Variants in HYDIN observed in about 807,000 individuals in gnomAD.
HYDIN encodes HYDIN axonemal central pair apparatus protein.
A neutral mutation model predicts 403.9 loss-of-function variants in HYDIN; 132 were observed. The ratio of observed to expected loss-of-function variants is 0.33; its 90% CI spans 0.28 to 0.38. The LOEUF is 0.38. Ranked by LOEUF, HYDIN falls within the 10% of genes least tolerant of loss-of-function variation. The pLI, the probability that HYDIN is intolerant of heterozygous loss-of-function variation, is 1.00. For missense variants in HYDIN, 2,827 were observed against 5,009.5 expected (o/e 0.56, Z 13.15); for synonymous variants, 1,202 against 1,891.7 (o/e 0.64, Z 9.46).
At chr16:71,052,907 G>A (rs2081711709) in intron 18 of HYDIN, among the ~76,000 whole-genome samples, 1 of 139,236 alleles carries the variant, frequency 7.2e-6, no homozygotes, top group African/African-American at 2.7e-5. Context: ...AGGAAAGAAA[G>A]AAAGAAAGAA....
chr16:70,880,200 A>G (rs1949671732), intron 60 of HYDIN, among the ~76,000 whole-genome samples: 1 of 124,396 alleles, frequency 8.0e-6, no homozygotes, highest in Non-Finnish European at 1.6e-5. Flanking sequence ...CTGGGACTAC[A>G]GGAGTGTGCC....
Position 70,860,175 on chromosome 16 carries a change from T to C in HYDIN, c.12022A>G (p.Thr4008Ala). ...TFTILNPTNS[T>A]YSFCWISEEI... ...TCAGAGATCCAGCAGAAGGAGTAGG[T>C]GCTATTGGTTGGGTTTAGGATGGTA... is the stretch of plus-strand genomic sequence containing the variant. The change falls in exon 71 of 86, where the codon ACC becomes GCC. Residue 4008 changes from threonine to alanine, a missense_variant. Coordinates refer to ENST00000393567, the MANE Select transcript of HYDIN (RefSeq NM_001270974.2). 1 of 1,614,028 alleles carries C rather than the reference T, an allele frequency of 6.2e-7. No individual in the cohort carries two copies. Among genetic ancestry groups the C allele is most frequent in the South Asian group, 1.1e-5 (1 of 91,068 alleles).
chr16:70,910,772 ATTTATTT>A (rs1408267118), intron 47 of HYDIN, among the ~76,000 whole-genome samples: 18 of 84,602 alleles, frequency 2.1e-4, no homozygotes, highest in Admixed American at 5.6e-4. Flanking sequence ...TTATTTATTT[ATTTATTT>A]TTTATTTTTT....
At position 70,807,632 on chromosome 16, in the gene HYDIN, C is replaced by T. The variant is rs1240013495; in HGVS notation, c.15314G>A (p.Gly5105Glu). 2.5e-6 allele frequency: 4 copies of T among 1,614,136 alleles called. No individual in the cohort carries two copies. Among genetic ancestry groups the T allele is most frequent in the Non-Finnish European group, 2.5e-6 (3 of 1,179,990 alleles). ...KLTVSCPPGE[G>E]SETGVKWVYY... is the part of the protein sequence containing the mutation. Reference sequence around the variant, plus strand: ...AACCCATTTAACTCCAGTCTCACTCCCTTCACCAGGAGGGCAGCTCACAGT... The same window carrying T: ...AACCCATTTAACTCCAGTCTCACTCTCTTCACCAGGAGGGCAGCTCACAGT... Residue 5105 changes from glycine (G) to glutamate (E), a missense_variant, in exon 86 of 86, where the codon GGG (glycine) becomes GAG (glutamate). Physicochemically the swap from Gly to Glu is moderately conservative, Grantham distance 98 (BLOSUM62 -2). Coordinates refer to ENST00000393567, the MANE Select transcript of HYDIN (RefSeq NM_001270974.2).
intron 36 of HYDIN, among the ~76,000 whole-genome samples, chr16:70,967,722 G>A (rs2078622675): frequency 1.3e-5 from 2 of 152,080 alleles, no homozygotes; most frequent in Non-Finnish European, 2.9e-5. Context: ...TCCTGACCTT[G>A]TGATCCACCC....
chr16:71,040,495 C>G (rs1040103961), intron 18 of HYDIN, among the ~76,000 whole-genome samples: 2 of 145,608 alleles, frequency 1.4e-5, no homozygotes, highest in Non-Finnish European at 3.0e-5. Flanking sequence ...GCACCCCCCT[C>G]CCCCCCACAC....
chr16:71,077,715 T>C (rs1310723821), intron 13 of HYDIN, among the ~76,000 whole-genome samples: 2 of 151,884 alleles, frequency 1.3e-5, no homozygotes, highest in African/African-American at 4.8e-5. Context: ...CAACATTAAA[T>C]TGTAATATCC....
Position 70,805,514 on chromosome 16 carries a change from C to A in HYDIN, c.*2066G>T, listed in dbSNP as rs543320072. ...GAAATGCAGATTCTCAAGCCCCACC[C>A]AAATCTCCTAGATCGGACTTCCTGA... On this transcript the variant is annotated 3_prime_UTR_variant, in exon 86 of 86. Transcript: ENST00000393567. Among the ~76,000 whole-genome samples the A allele has an allele frequency of 7.9e-5, 12 of 152,316 alleles. No individual in the cohort carries two copies. The highest frequency in any genetic ancestry group is 2.6e-4 in the Admixed American group (4 of 15,304).
Position 71,031,761 on chromosome 16 carries a change from G to T in HYDIN, c.2686C>A (p.Pro896Thr), listed in dbSNP as rs2080920190. Reference sequence around the variant, plus strand: ...GAACCAGTTCCGGAAGCCTGAACAGGAATCCGATAGGTACTGCTATTTTCA... The same window carrying T: ...GAACCAGTTCCGGAAGCCTGAACAGTAATCCGATAGGTACTGCTATTTTCA... ...DIENSSTYRIPVQASGTGSTI... is the reference protein window; with the variant it reads ...DIENSSTYRITVQASGTGSTI... The change falls in exon 19 of 86, where the codon CCT (proline) becomes ACT (threonine). Residue 896 changes from proline to threonine, a missense_variant. By Grantham distance (38) the Pro-to-Thr change is conservative. Transcript: ENST00000393567. 3 of 1,271,418 alleles carry T rather than the reference G, an allele frequency of 2.4e-6. No homozygotes were observed. The highest frequency in any genetic ancestry group is 3.4e-6 in the Non-Finnish European group (3 of 873,868). The allele number at this position is 1,271,418 out of a possible 1,614,324, so 78.8% of individuals were successfully genotyped here. A position where few individuals can be genotyped will look rare whatever the true frequency, so the allele number is the denominator to read the frequency against.
chr16:70,967,954 C>G (rs2078630584), intron 36 of HYDIN, among the ~76,000 whole-genome samples: 1 of 150,648 alleles, frequency 6.6e-6, no homozygotes, highest in South Asian at 2.1e-4. Flanking sequence ...AAAGCAGAAA[C>G]AAATGTATCA....
At chr16:70,828,598 T>C (rs1201070853) in intron 81 of HYDIN, among the ~76,000 whole-genome samples, 169 bp from the exon 82 acceptor site, 2 of 150,666 alleles carry the variant, frequency 1.3e-5, no homozygotes, top group Non-Finnish European at 3.0e-5. Context: ...AAAATGTTCA[T>C]ATGTATCCGA....
chr16:70,812,528 G>A (rs1333676097), intron 84 of HYDIN, among the ~76,000 whole-genome samples: 5 of 151,736 alleles, frequency 3.3e-5, no homozygotes, highest in African/African-American at 1.2e-4. Flanking sequence ...AAAAGATGAT[G>A]GGGTACAAAA....
intron 58 of HYDIN, among the ~76,000 whole-genome samples, chr16:70,887,939 T>C (rs1263476816): frequency 1.3e-5 from 2 of 152,204 alleles, no homozygotes; most frequent in African/African-American, 4.8e-5. Context: ...TGCCTCGGCC[T>C]CCCAAAGTGC....
At chr16:71,102,525 A>ATTTGCATTATCAGCTCATCTTCCC (rs1252638309) in intron 10 of HYDIN, among the ~76,000 whole-genome samples, 2 of 151,272 alleles carry the variant, frequency 1.3e-5, no homozygotes, top group African/African-American at 2.4e-5. Context: ...TCATTATCTA[A>ATTTGCATTATCAGCTCATCTTCCC]ATGAAAACAA....
At chr16:70,888,224 T>C (rs889880417) in intron 58 of HYDIN, among the ~76,000 whole-genome samples, 3 of 141,856 alleles carry the variant, frequency 2.1e-5, no homozygotes, top group Non-Finnish European at 4.4e-5. Context: ...CATTTATCTA[T>C]TTTCCTTCAG....
chr16:70,985,497 G>T (rs1274620150), intron 27 of HYDIN, among the ~76,000 whole-genome samples, 175 bp from the exon 28 acceptor site: 1 of 152,114 alleles, frequency 6.6e-6, no homozygotes, highest in African/African-American at 2.4e-5. Flanking sequence ...CTGGAAACCT[G>T]GCTCTTAGTT....
intron 18 of HYDIN, among the ~76,000 whole-genome samples, chr16:71,059,012 T>C (rs2081993942): frequency 6.6e-6 from 1 of 152,278 alleles, no homozygotes; most frequent in African/African-American, 2.4e-5. Flanking sequence ...CAGTATGTGA[T>C]ACATATAACA....
intron 5 of HYDIN, among the ~76,000 whole-genome samples, chr16:71,172,632 A>C (rs1256185443): frequency 6.6e-6 from 1 of 152,230 alleles, no homozygotes; most frequent in Non-Finnish European, 1.5e-5. Context: ...CAGCCAGATT[A>C]ATAGATGATG....
chr16:71,208,714 A>C (rs1050750640), intron 1 of HYDIN, among the ~76,000 whole-genome samples: 7 of 152,310 alleles, frequency 4.6e-5, no homozygotes, highest in Non-Finnish European at 1.0e-4. Context: ...GAGAAATGAC[A>C]AAGGGGATAT....
Sources: allele counts gnomAD v4.1 joint callset (sites outside exome capture counted in the v4.1 genomes callset), GRCh38; gene constraint gnomAD v4.1.1; transcripts MANE v1.5; gene names NCBI Gene and HGNC (gene_info 2026-07-23, HGNC 2026-07-21).